Variants in ITGA3 observed in about 807,000 individuals in gnomAD.
ITGA3 encodes the protein integrin alpha-3.
Under a neutral mutation model 131.1 loss-of-function variants are expected in ITGA3, and 70 were observed. The observed-to-expected ratio is 0.53, with a 90% CI of 0.44 to 0.65. The LOEUF (loss-of-function observed/expected upper bound fraction) is 0.65. ITGA3 is among the 30% of genes least tolerant of loss of function. The pLI, the probability that ITGA3 is intolerant of heterozygous loss-of-function variation, is 0.00. For synonymous variants in ITGA3, 537 were observed against 571.6 expected (o/e 0.94, Z 0.86); for missense variants, 1,098 against 1,388.6 (o/e 0.79, Z 3.33).
chr17:50,071,938 A>G (rs375802918), intron 6 of ITGA3, 48 bp from the exon 7 acceptor site: 62 of 1,527,246 alleles, frequency 4.1e-5, no homozygotes, highest in Non-Finnish European at 5.6e-5. Context: ...ACTATGCTGC[A>G]TATTGGAGGC....
chr17:50,071,324 G>C lies in ITGA3; in HGVS notation c.765G>C (p.Gln255His). 1 of 1,614,020 alleles carries C rather than the reference G, an allele frequency of 6.2e-7. No homozygotes were observed. Among genetic ancestry groups the C allele is most frequent in the Non-Finnish European group, 8.5e-7 (1 of 1,180,020 alleles). ...CCTCTATCCCAGGGTACACGATGCA[G>C]GTAGGCAGCTTCATCCTGCACCCCA... ...QGNLYIGYTMQVGSFILHPKN... is the reference protein window; with the variant it reads ...QGNLYIGYTMHVGSFILHPKN... Residue 255 changes from glutamine to histidine, a missense_variant, in exon 6 of 26, where the codon CAG becomes CAC. Gln to His is a conservative substitution (Grantham distance 24). Around this residue, in one of 3 missense-constraint regions of ITGA3, gnomAD observed 356 missense variants for 529.2 expected, o/e 0.67. Coordinates refer to ENST00000320031, the MANE Select transcript of ITGA3 (RefSeq NM_002204.4).
chr17:50,056,455 A>AGACGCGC lies in ITGA3; in HGVS notation c.17_18insACGCGCG (p.Ser6ArgfsTer99). 6.5e-7 allele frequency: 1 copy of AGACGCGC among 1,534,648 alleles called. No individual in the cohort carries two copies. The highest frequency in any genetic ancestry group is 2.5e-5 in the East Asian group (1 of 39,376). On this transcript the variant is annotated frameshift_variant, in exon 1 of 26. Transcript: ENST00000320031. LOFTEE classifies it high-confidence loss of function. The surrounding 1 kb of genome is among the most constrained non-coding windows in gnomAD (Gnocchi z 5.6). Reference sequence around the variant, plus strand: ...GCTGGCAGCCATGGGCCCCGGCCCCAGCCGCGCGCCCCGCGCCCCACGCCT... The same window carrying AGACGCGC: ...GCTGGCAGCCATGGGCCCCGGCCCCAGACGCGCGCCGCGCGCCCCGCGCCCCACGCCT...
At chr17:50,072,681 T>C (rs1052497108) in intron 7 of ITGA3, among the ~76,000 whole-genome samples, 3 of 152,062 alleles carry the variant, frequency 2.0e-5, no homozygotes, top group Admixed American at 2.0e-4. Flanking sequence ...ATAATAACTT[T>C]GTACCCTGAA....
chr17:50,064,367 G>A lies in ITGA3; in HGVS notation c.335-161G>A, dbSNP rs187300790. ...CCTAGAGGAGAGTGGGGCTGGATGG[G>A]ATTGGTAGAGCTCAGAATAATGACG... On this transcript the variant is annotated intron_variant, in intron 2 of 25. Coordinates refer to ENST00000320031, the MANE Select transcript of ITGA3 (RefSeq NM_002204.4). This position sits in a 1 kb window ranked among gnomAD's most constrained non-coding sequence, Gnocchi z 4.4. 7.7e-3 allele frequency: 8,708 copies of A among 1,130,428 alleles called. 40 individuals are homozygous for A. Among genetic ancestry groups the A allele is most frequent in the Admixed American group, 0.011 (503 of 46,388 alleles). 70.0% of individuals were successfully genotyped at this position (1,130,428 alleles called of 1,614,324 possible). A position where few individuals can be genotyped will look rare whatever the true frequency, so the allele number is the denominator to read the frequency against.
intron 22 of ITGA3, 118 bp downstream of exon 22, chr17:50,080,493 T>TGC (rs1909143938): frequency 1.7e-6 from 1 of 604,734 alleles, no homozygotes; most frequent in Admixed American, 2.8e-5. Context: ...TGTGTGTGTG[T>TGC]GTGTGTGTGT....
In ITGA3 at chr17:50,079,326, C is replaced by T; in HGVS notation, c.2583+68C>T. On this transcript the variant is annotated intron_variant, in intron 20 of 25. Transcript: ENST00000320031. ...CAGAAAGGCCAGTGTCTTCCCCTCCCTCCCCTCATACCCCTTTGGCAAGCT... is the reference window on the plus strand; with the variant it reads ...CAGAAAGGCCAGTGTCTTCCCCTCCTTCCCCTCATACCCCTTTGGCAAGCT... 3.8e-6 allele frequency: 6 copies of T among 1,572,990 alleles called. No homozygotes were observed. In the South Asian group the frequency reaches 5.8e-5, roughly 15 times the overall value.
rs748382368 is a variant in ITGA3 at position 50,078,137 on chromosome 17, C to G, written c.2219+12C>G. 6.2e-7 allele frequency: 1 copy of G among 1,613,364 alleles called. No individual in the cohort carries two copies. Among genetic ancestry groups the G allele is most frequent in the South Asian group, 1.1e-5 (1 of 91,066 alleles). ...CTGCAGCTCTCCACGTGAGTGACCT[C>G]GAAAAGCCAGTCTGGGTCAGGGCTG... is the stretch of plus-strand genomic sequence containing the variant. On this transcript the variant is annotated intron_variant, in intron 17 of 25. Transcript: ENST00000320031.
intron 23 of ITGA3, among the ~76,000 whole-genome samples, chr17:50,083,229 AC>A (rs747186043): frequency 1.3e-5 from 2 of 152,212 alleles, no homozygotes; most frequent in Non-Finnish European, 2.9e-5. Context: ...CTACTTCACA[AC>A]ATAAACAAAA....
intron 23 of ITGA3, among the ~76,000 whole-genome samples, chr17:50,082,255 T>C (rs182343186): frequency 1.3e-5 from 2 of 152,308 alleles, no homozygotes; most frequent in East Asian, 1.9e-4. Context: ...GCGTGATCAC[T>C]GCAAGCTCTG....
chr17:50,079,180 G>T lies in ITGA3; in HGVS notation c.2505G>T (p.Glu835Asp). ...SNGKWLLYPT[E>D]ITVHGNGSWP... The stretch of plus-strand genomic sequence containing the variant: ...GCAAGTGGCTGCTGTATCCCACGGA[G>T]ATCACCGTCCATGGCAATGGGTCCT... The change falls in exon 20 of 26, where the codon GAG (glutamate) becomes GAT (aspartate). Residue 835 changes from glutamate to aspartate, a missense_variant. Glu to Asp is a conservative substitution (Grantham distance 45). Transcript: ENST00000320031. The T allele has an allele frequency of 6.2e-7, 1 of 1,613,990 alleles. No individual in the cohort carries two copies. Among genetic ancestry groups the T allele is most frequent in the East Asian group, 2.2e-5 (1 of 44,870 alleles).
In ITGA3 at chr17:50,087,727, T is replaced by C; in HGVS notation, c.2920-17T>C. ...AGCAGGCTGACACAGGGCTGAGTCC[T>C]CCTCTCCCCGCTCCAGTTCTCTGTG... On this transcript the variant is annotated splice_polypyrimidine_tract_variant and intron_variant, in intron 23 of 25. Coordinates refer to ENST00000320031, the MANE Select transcript of ITGA3 (RefSeq NM_002204.4). 6.2e-7 allele frequency: 1 copy of C among 1,606,714 alleles called. No homozygotes were observed. Among genetic ancestry groups the C allele is most frequent in the Non-Finnish European group, 8.5e-7 (1 of 1,175,364 alleles).
At chr17:50,063,083 A>G (rs941262358) in intron 1 of ITGA3, among the ~76,000 whole-genome samples, 1 of 148,134 alleles carries the variant, frequency 6.8e-6, no homozygotes, top group African/African-American at 2.7e-5. Context: ...GTCCTCTAAG[A>G]TGGCATTTCA....
intron 16 of ITGA3, 80 bp from the exon 17 acceptor site, chr17:50,077,966 T>A (rs1052587930): frequency 8.3e-7 from 1 of 1,198,926 alleles, no homozygotes. Context: ...ACTAGAATAG[T>A]GTGCATCCCC....
At chr17:50,060,833 G>C (rs901970290) in intron 1 of ITGA3, among the ~76,000 whole-genome samples, 1 of 152,186 alleles carries the variant, frequency 6.6e-6, no homozygotes, top group African/African-American at 2.4e-5. Flanking sequence ...GTCAGCTTTT[G>C]GATTTTGTGA....
At chr17:50,068,809 GTCT>G in intron 4 of ITGA3, among the ~76,000 whole-genome samples, 1 of 138,800 alleles carries the variant, frequency 7.2e-6, no homozygotes, top group Admixed American at 7.3e-5. Flanking sequence ...GCCTCAATCA[GTCT>G]TTTTTATTTA....
intron 22 of ITGA3, among the ~76,000 whole-genome samples, chr17:50,080,584 T>C (rs1183896081): frequency 4.6e-5 from 7 of 152,060 alleles, no homozygotes; most frequent in East Asian, 1.9e-4. Flanking sequence ...TATTCTGTTA[T>C]GTGTCCATTA....
intron 4 of ITGA3, among the ~76,000 whole-genome samples, chr17:50,068,854 A>ATTTT (rs763375657): frequency 2.0e-4 from 22 of 110,608 alleles, no homozygotes; most frequent in African/African-American, 5.8e-4. Context: ...TTATTTATTT[A>ATTTT]TTTATTTTTT....
rs1053309919 is a variant in ITGA3 at position 50,088,385 on chromosome 17, C to T, written c.*31+19C>T. On this transcript the variant is annotated intron_variant, in intron 25 of 25. Coordinates refer to ENST00000320031, the MANE Select transcript of ITGA3 (RefSeq NM_002204.4). The stretch of plus-strand genomic sequence containing the variant: ...CACCTGGGTAACACGGCCTCCGGGC[C>T]CCCTTCCCCGAGCCCCACAGCTGGC... The T allele has an allele frequency of 2.2e-6, 3 of 1,375,946 alleles. No individual in the cohort carries two copies. Among genetic ancestry groups the T allele is most frequent in the Middle Eastern group, 1.8e-4 (1 of 5,636 alleles). The allele number at this position is 1,375,946 out of a possible 1,614,324, so 85.2% of individuals were successfully genotyped here.
chr17:50,066,286 C>T (rs1908340523), intron 3 of ITGA3, among the ~76,000 whole-genome samples: 1 of 150,162 alleles, frequency 6.7e-6, no homozygotes, highest in South Asian at 2.1e-4. Context: ...AGGCGTGAGC[C>T]ACCGTATGTG....
Sources: allele counts gnomAD v4.1 joint callset (sites outside exome capture counted in the v4.1 genomes callset), GRCh38; gene constraint gnomAD v4.1.1; regional missense constraint gnomAD v4.1.1; non-coding constraint Gnocchi (gnomAD v3.1); transcripts MANE v1.5; gene names NCBI Gene and HGNC (gene_info 2026-07-23, HGNC 2026-07-21).